Variants in SLC14A1 observed in about 807,000 individuals in gnomAD.
SLC14A1 encodes urea transporter 1.
Under a neutral mutation model 39.6 loss-of-function variants are expected in SLC14A1, and 36 were observed. The ratio of observed to expected loss-of-function variants is 0.91; its 90% confidence interval spans 0.70 to 1.20. The LOEUF (loss-of-function observed/expected upper bound fraction) is 1.20. Ranked by LOEUF, SLC14A1 falls within the 50% of genes most tolerant of loss-of-function variation. The pLI, the probability that SLC14A1 is intolerant of heterozygous loss-of-function variation, is 0.00. For missense variants in SLC14A1, 469 were observed against 478.7 expected (o/e 0.98, Z 0.19); for synonymous variants, 164 against 173.6 (o/e 0.94, Z 0.43).
In SLC14A1 at chr18:45,731,066, A is replaced by G; in HGVS notation, c.203A>G (p.Gln68Arg). The G allele has an allele frequency of 6.2e-7, 1 of 1,614,164 alleles. No homozygotes were observed. Among genetic ancestry groups the G allele is most frequent in the South Asian group, 1.1e-5 (1 of 91,074 alleles). The change falls in exon 4 of 10, where the codon CAA (glutamine) becomes CGA (arginine). Residue 68 changes from glutamine (Q) to arginine (R), a missense_variant. Transcript: ENST00000321925. ...FIDWILRGIS[Q>R]VVFVNNPVSG... is the part of the protein sequence containing the mutation. ...GACTGGATTCTCCGGGGCATATCCC[A>G]AGTGGTGTTCGTCAACAACCCCGTC...
chr18:45,727,002 C>T (rs1287531099), intron 2 of SLC14A1: 3 of 392,850 alleles, frequency 7.6e-6, no homozygotes, highest in East Asian at 5.3e-5. Flanking sequence ...GATGGCTTCC[C>T]GTTATTTTTT....
intron 5 of SLC14A1, 88 bp downstream of exon 5, chr18:45,734,490 C>A: frequency 6.9e-7 from 1 of 1,441,694 alleles, no homozygotes; most frequent in South Asian, 1.2e-5. Flanking sequence ...GGCAGAGTTT[C>A]AGTTTTGCAA....
rs2047709276 is a variant in SLC14A1 at position 45,751,505 on chromosome 18, G to A, written c.*1554G>A. On this transcript the variant is annotated 3_prime_UTR_variant, in exon 10 of 10. Coordinates refer to ENST00000321925, the MANE Select transcript of SLC14A1 (RefSeq NM_015865.7). ...GACAGCAACAGAAGTCACGTTCAGG[G>A]ACTGGCTCACACCTGTAATCCCAGC... 1 of 983,928 alleles carries A rather than the reference G, an allele frequency of 1.0e-6. No homozygotes were observed. The highest frequency in any genetic ancestry group is 1.8e-5 in the African/African-American group (1 of 56,802). The allele number at this position is 983,928 out of a possible 1,614,324, so 60.9% of individuals were successfully genotyped here.
chr18:45,731,050 C>T lies in SLC14A1; in HGVS notation c.187C>T (p.Leu63Phe), dbSNP rs201716471. ...PVVLQFIDWI[L>F]RGISQVVFVN... ...GGTGCTCCAGTTCATTGACTGGATT[C>T]TCCGGGGCATATCCCAAGTGGTGTT... The change falls in exon 4 of 10, where the codon CTC becomes TTC. Residue 63 changes from leucine (L) to phenylalanine (F), a missense_variant. By Grantham distance (22) the Leu-to-Phe change is conservative (BLOSUM62 0). Coordinates refer to ENST00000321925, the MANE Select transcript of SLC14A1 (RefSeq NM_015865.7). 4.8e-5 allele frequency: 78 copies of T among 1,614,142 alleles called. 1 individual carries two copies. Among genetic ancestry groups the T allele is most frequent in the South Asian group, 4.7e-4 (43 of 91,076 alleles).
chr18:45,736,721 C>T (rs759130090), intron 6 of SLC14A1, 73 bp downstream of exon 6: 122 of 1,331,634 alleles, frequency 9.2e-5, no homozygotes, highest in Non-Finnish European at 1.0e-4. Flanking sequence ...CAACTGTCCA[C>T]GGGTGTCAGA....
At position 45,751,960 on chromosome 18, in the gene SLC14A1, T is replaced by G; in HGVS notation, c.*2009T>G. ...AGTGCACAATATACATTTTGCTGAA[T>G]GAATAAACAGAAATAGGGAAGTAAA... On this transcript the variant is annotated 3_prime_UTR_variant, in exon 10 of 10. Transcript: ENST00000321925. The G allele has an allele frequency of 1.0e-6, 1 of 985,354 alleles. No individual in the cohort carries two copies. The highest frequency in any genetic ancestry group is 1.2e-6 in the Non-Finnish European group (1 of 829,916). The allele number at this position is 985,354 out of a possible 1,614,324, so 61.0% of individuals were successfully genotyped here.
chr18:45,736,613 C>T lies in SLC14A1; in HGVS notation c.628C>T (p.Pro210Ser). The T allele has an allele frequency of 6.2e-7, 1 of 1,614,206 alleles. No homozygotes were observed. Among genetic ancestry groups the T allele is most frequent in the Non-Finnish European group, 8.5e-7 (1 of 1,180,026 alleles). The change falls in exon 6 of 10, where the codon CCA (proline) becomes TCA (serine). Residue 210 changes from proline to serine, a missense_variant. By Grantham distance (74) the Pro-to-Ser change is moderately conservative (BLOSUM62 -1). Transcript: ENST00000321925. The stretch of plus-strand genomic sequence containing the variant: ...ACTGGTCATACCTATAACTACAGCT[C>T]CAAATATCTCCTGGTCTGACCTCAG... ...AKLVIPITTA[P>S]NISWSDLSAL...
chr18:45,745,331 G>C (rs952562642), intron 8 of SLC14A1, among the ~76,000 whole-genome samples: 2 of 152,140 alleles, frequency 1.3e-5, no homozygotes, highest in Admixed American at 1.3e-4. Context: ...TCCTTGTCCT[G>C]GGAGCTCACG....
rs868620614 is a variant in SLC14A1, at chr18:45,737,051, G to C, written c.663+403G>C. On this transcript the variant is annotated intron_variant, in intron 6 of 9. Coordinates refer to ENST00000321925, the MANE Select transcript of SLC14A1 (RefSeq NM_015865.7). ...CTGGATGCTTACTCTTAGAGCTTCT[G>C]ACAGAACCTCTCTATTCTGCTTTTC... is the stretch of plus-strand genomic sequence containing the variant. Among the ~76,000 whole-genome samples, 5 of 152,190 alleles carry C rather than the reference G, an allele frequency of 3.3e-5. No individual in the cohort carries two copies. In the South Asian group the frequency reaches 8.3e-4, roughly 25 times the overall value.
At chr18:45,735,809 T>C (rs2144782736) in intron 5 of SLC14A1, among the ~76,000 whole-genome samples, 1 of 152,356 alleles carries the variant, frequency 6.6e-6, no homozygotes, top group South Asian at 2.1e-4. Context: ...CTTTAAGTGA[T>C]GGCTCTTTGA....
rs1205535353 is a variant in SLC14A1 at position 45,749,857 on chromosome 18, T to A, written c.1076T>A (p.Ile359Asn). 2 of 1,614,076 alleles carry A rather than the reference T, an allele frequency of 1.2e-6. No homozygotes were observed. Among genetic ancestry groups the A allele is most frequent in the Non-Finnish European group, 1.7e-6 (2 of 1,179,986 alleles). ...ATCATGACCACAAAAAATTCCAACA[T>A]CTACAAGATGCCCCTCAGTAAAGTT... ...FLIMTTKNSN[I>N]YKMPLSKVTY... Residue 359 changes from isoleucine to asparagine, a missense_variant, in exon 10 of 10, where the codon ATC becomes AAC. Transcript: ENST00000321925.
rs537028614 is a variant in SLC14A1, at chr18:45,730,454, T to C, written c.134T>C (p.Leu45Pro). The C allele has an allele frequency of 1.5e-5, 24 of 1,614,128 alleles. No individual in the cohort carries two copies. The South Asian group carries it at 2.5e-4, about 17-fold the overall frequency. ...LGYVTGDMKELANQLKDKPVV... is the reference protein window; with the variant it reads ...LGYVTGDMKEPANQLKDKPVV... The stretch of plus-strand genomic sequence containing the variant: ...TATGTCACCGGTGACATGAAAGAAC[T>C]TGCCAACCAGCTTAAAGGTATTTAT... Residue 45 changes from leucine (L) to proline (P), a missense_variant, in exon 3 of 10, where the codon CTT becomes CCT. Transcript: ENST00000321925.
At position 45,751,061 on chromosome 18, in the gene SLC14A1, T is replaced by C. The variant is rs2047688275; in HGVS notation, c.*1110T>C. On this transcript the variant is annotated 3_prime_UTR_variant, in exon 10 of 10. Transcript: ENST00000321925. ...GAACCACCAAAAAGAAATAAAGGGCTGAGTGCGGTGGCTCACGCCTGTAAT... is the reference window on the plus strand; with the variant it reads ...GAACCACCAAAAAGAAATAAAGGGCCGAGTGCGGTGGCTCACGCCTGTAAT... 1 of 981,396 alleles carries C rather than the reference T, an allele frequency of 1.0e-6. No homozygotes were observed. The highest frequency in any genetic ancestry group is 1.1e-4 in the East Asian group (1 of 8,796). The allele number at this position is 981,396 out of a possible 1,614,324, so 60.8% of individuals were successfully genotyped here.
At chr18:45,733,044 T>C (rs182443479) in intron 4 of SLC14A1, among the ~76,000 whole-genome samples, 16 of 152,290 alleles carry the variant, frequency 1.1e-4, no homozygotes, top group African/African-American at 3.9e-4. Context: ...AATTAGGAGC[T>C]AAACACTGGG....
intron 8 of SLC14A1, among the ~76,000 whole-genome samples, chr18:45,741,836 T>G (rs1439829853): frequency 6.6e-6 from 1 of 151,774 alleles, no homozygotes; most frequent in Non-Finnish European, 1.5e-5. Flanking sequence ...GTTAGAATGT[T>G]TATCCTACAA....
chr18:45,738,582 T>C (rs1370774411), intron 6 of SLC14A1, among the ~76,000 whole-genome samples: 1 of 152,238 alleles, frequency 6.6e-6, no homozygotes, highest in East Asian at 1.9e-4. Flanking sequence ...AATGAATACA[T>C]GTTCCACTTA....
intron 8 of SLC14A1, among the ~76,000 whole-genome samples, chr18:45,747,492 TC>T (rs2047578574): frequency 6.6e-6 from 1 of 151,092 alleles, no homozygotes; most frequent in South Asian, 2.1e-4. Flanking sequence ...ATTGAGACCA[TC>T]CTGGTTAACA....
chr18:45,745,733 C>A (rs1218699320), intron 8 of SLC14A1, among the ~76,000 whole-genome samples: 2 of 152,162 alleles, frequency 1.3e-5, no homozygotes, highest in African/African-American at 4.8e-5. Context: ...CCAAAAGAGC[C>A]ATACCAGTTT....
At position 45,750,134 on chromosome 18, in the gene SLC14A1, T is replaced by A. The variant is rs572564079; in HGVS notation, c.*183T>A. The A allele has an allele frequency of 7.4e-4, 1,092 of 1,476,140 alleles. 3 individuals are homozygous for A. The highest frequency in any genetic ancestry group is 9.3e-4 in the Non-Finnish European group (1,040 of 1,119,750). The allele number at this position is 1,476,140 out of a possible 1,614,324, so 91.4% of individuals were successfully genotyped here. ...AACTCCAGGAATATCCTTGAGCATA[T>A]GAGAGTCACATCCAGGTGATGTGCT... On this transcript the variant is annotated 3_prime_UTR_variant, in exon 10 of 10. Coordinates refer to ENST00000321925, the MANE Select transcript of SLC14A1 (RefSeq NM_015865.7).
Sources: gnomAD v4.1 joint callset for allele counts (sites outside exome capture counted in the v4.1 genomes callset) on GRCh38, gnomAD v4.1.1 for gene constraint, MANE v1.5 for transcripts, NCBI Gene and HGNC (gene_info 2026-07-23, HGNC 2026-07-21) for gene names.